The following DCAF8L2 variants were observed in gnomAD, a reference collection of about 807,000 sequenced individuals.
DCAF8L2 encodes the protein DDB1- and CUL4-associated factor 8-like protein 2.
For missense variants in DCAF8L2, 430 were observed against 490.7 expected (o/e 0.88, Z 1.17); for synonymous variants, 200 against 190.9 (o/e 1.05, Z -0.39).
intron 3 of DCAF8L2, among the ~76,000 whole-genome samples, chrX:27,690,142 T>C (rs1930661141): frequency 8.9e-6 from 1 of 111,752 alleles, no homozygotes; most frequent in African/African-American, 3.2e-5. Context: ...ATTAATATTG[T>C]TAAATTATGA....
intron 1 of DCAF8L2, among the ~76,000 whole-genome samples, chrX:27,616,429 G>A (rs1927479345): frequency 9.0e-6 from 1 of 110,696 alleles, no homozygotes; most frequent in East Asian, 2.8e-4. Flanking sequence ...TATGAGAATT[G>A]GAATAATTAA....
the DCAF8L2 span, among the ~76,000 whole-genome samples, chrX:27,572,793 C>G: frequency 1.8e-5 from 2 of 111,580 alleles, no homozygotes; most frequent in African/African-American, 6.5e-5. Context: ...AGTAACCCTT[C>G]TCTTCTTTCT....
intron 4 of DCAF8L2, among the ~76,000 whole-genome samples, chrX:27,718,548 T>G (rs1931779453): frequency 9.0e-6 from 1 of 111,205 alleles, no homozygotes; most frequent in Non-Finnish European, 1.9e-5. Context: ...TGTTTCTGGA[T>G]GAGATTAACA....
the DCAF8L2 span, among the ~76,000 whole-genome samples, chrX:27,560,406 G>C: frequency 9.0e-6 from 1 of 111,542 alleles, no homozygotes; most frequent in Non-Finnish European, 1.9e-5. Flanking sequence ...ACTTGCGCCC[G>C]CATACTAAGC....
At chrX:27,519,842 T>C in the DCAF8L2 span, 1 of 340,828 alleles carries the variant, frequency 2.9e-6, no homozygotes, top group Non-Finnish European at 5.1e-6. Flanking sequence ...TTTCAAAAAA[T>C]AATGAAAAAG....
chrX:27,615,525 A>C (rs1927423934), intron 1 of DCAF8L2, among the ~76,000 whole-genome samples: 1 of 28,035 alleles, frequency 3.6e-5, no homozygotes, highest in South Asian at 6.4e-4. Flanking sequence ...GATTCTATCA[A>C]TCTATCTATC....
At chrX:27,475,755 G>T in the DCAF8L2 span, among the ~76,000 whole-genome samples, 17 of 112,152 alleles carry the variant, frequency 1.5e-4, no homozygotes, top group Non-Finnish European at 3.0e-4. Flanking sequence ...GAAATTAATT[G>T]CAGTAGTGTT....
At chrX:27,546,413 A>G in the DCAF8L2 span, among the ~76,000 whole-genome samples, 1 of 111,521 alleles carries the variant, frequency 9.0e-6, no homozygotes, top group African/African-American at 3.3e-5. Context: ...CAGTGGATCT[A>G]CCACTCTAGG....
At chrX:27,496,623 T>C in the DCAF8L2 span, among the ~76,000 whole-genome samples, 1 of 111,953 alleles carries the variant, frequency 8.9e-6, no homozygotes, top group Non-Finnish European at 1.9e-5. Context: ...ACCTTTCGAT[T>C]AACCATTCAG....
intron 1 of DCAF8L2, among the ~76,000 whole-genome samples, chrX:27,620,415 A>T (rs1436024255): frequency 2.7e-5 from 3 of 111,923 alleles, no homozygotes; most frequent in Non-Finnish European, 5.6e-5. Context: ...TCAACAAACA[A>T]CATCAACAGA....
chrX:27,538,436 C>G, the DCAF8L2 span, among the ~76,000 whole-genome samples: 3 of 110,604 alleles, frequency 2.7e-5, no homozygotes, highest in African/African-American at 9.9e-5. Flanking sequence ...CTTTGTCGCC[C>G]AGGCTGGAGT....
chrX:27,546,664 C>A, the DCAF8L2 span, among the ~76,000 whole-genome samples: 23 of 112,502 alleles, frequency 2.0e-4, no homozygotes, highest in African/African-American at 6.5e-4. Flanking sequence ...ACAGGCCCAA[C>A]ACCATGTGGA....
the DCAF8L2 span, among the ~76,000 whole-genome samples, chrX:27,520,164 G>A: frequency 3.7e-3 from 408 of 111,519 alleles, 2 homozygotes; most frequent in Middle Eastern, 9.9e-3. Flanking sequence ...ATTTAATTTA[G>A]TCAATTTTTT....
the DCAF8L2 span, among the ~76,000 whole-genome samples, chrX:27,472,194 G>A: frequency 2.7e-5 from 3 of 110,903 alleles, no homozygotes; most frequent in South Asian, 3.8e-4. Flanking sequence ...TTATGTCTAC[G>A]TTATAAAATC....
chrX:27,546,782 G>A, the DCAF8L2 span, among the ~76,000 whole-genome samples: 1 of 111,961 alleles, frequency 8.9e-6, no homozygotes, highest in African/African-American at 3.2e-5. Context: ...AGGGCACAAT[G>A]CCCTGAGGCT....
the DCAF8L2 span, among the ~76,000 whole-genome samples, chrX:27,551,875 G>A: frequency 8.9e-6 from 1 of 111,784 alleles, no homozygotes; most frequent in Admixed American, 9.5e-5. Flanking sequence ...GGATCATATG[G>A]TAGTCGTATT....
At chrX:27,505,073 C>T in the DCAF8L2 span, among the ~76,000 whole-genome samples, 1 of 111,684 alleles carries the variant, frequency 9.0e-6, no homozygotes, top group Admixed American at 9.6e-5. Context: ...ACTCCATTCT[C>T]CCAAGTCTTT....
the DCAF8L2 span, among the ~76,000 whole-genome samples, chrX:27,562,501 G>A: frequency 8.9e-6 from 1 of 112,224 alleles, no homozygotes; most frequent in Non-Finnish European, 1.9e-5. Context: ...GGTACCAACG[G>A]TTGCTGATTG....
chrX:27,497,549 C>CTTCCTTCCTTCTTTCT, the DCAF8L2 span, among the ~76,000 whole-genome samples: 19 of 64,442 alleles, frequency 2.9e-4, no homozygotes, highest in African/African-American at 7.0e-4. Flanking sequence ...TCCTTCCTTC[C>CTTCCTTCCTTCTTTCT]TTCTTTCTTT....
Sources: allele counts gnomAD v4.1 joint callset (sites outside exome capture counted in the v4.1 genomes callset), GRCh38; gene constraint gnomAD v4.1.1; transcripts MANE v1.5; gene names NCBI Gene and HGNC (gene_info 2026-07-23, HGNC 2026-07-21).